TENM4: variants seen among roughly 807,000 people sequenced by gnomAD.
TENM4 encodes teneurin-4.
Under a neutral mutation model 243.3 loss-of-function variants are expected in TENM4, and 82 were observed. That is an observed-to-expected ratio of 0.34 (90% confidence interval 0.28 to 0.40). The LOEUF (loss-of-function observed/expected upper bound fraction) is 0.40, where lower values mean the gene tolerates loss of function less well. Ranked by LOEUF, TENM4 falls within the 10% of genes least tolerant of loss-of-function variation. The pLI, the probability that TENM4 is intolerant of heterozygous loss-of-function variation, is 1.00. For synonymous variants in TENM4, 1,412 were observed against 1,456.3 expected (o/e 0.97, Z 0.69); for missense variants, 3,138 against 3,673.3 (o/e 0.85, Z 3.77).
intron 6 of TENM4, among the ~76,000 whole-genome samples, chr11:78,984,860 G>C (rs1031738280): frequency 6.6e-6 from 1 of 152,028 alleles, no homozygotes; most frequent in Non-Finnish European, 1.5e-5. Flanking sequence ...AGGCATAACA[G>C]CAACATTTCA....
chr11:78,807,727 T>C (rs1857418805), intron 14 of TENM4, among the ~76,000 whole-genome samples: 1 of 152,176 alleles, frequency 6.6e-6, no homozygotes, highest in Non-Finnish European at 1.5e-5. Flanking sequence ...AGGGTGCTGA[T>C]GACACTGTGA....
chr11:78,741,640 C>T (rs1855932440), intron 19 of TENM4, among the ~76,000 whole-genome samples: 2 of 152,150 alleles, frequency 1.3e-5, no homozygotes, highest in African/African-American at 2.4e-5. Flanking sequence ...GTTTAACAAC[C>T]AGCTTGCAGA....
intron 2 of TENM4, among the ~76,000 whole-genome samples, chr11:79,216,901 C>T (rs1864061360): frequency 6.6e-6 from 1 of 152,134 alleles, no homozygotes; most frequent in South Asian, 2.1e-4. Context: ...CTGTAATATA[C>T]CACATGGGAG....
chr11:78,923,531 GTTTTTATTTTTA>G (rs775401993), intron 6 of TENM4, among the ~76,000 whole-genome samples: 3 of 151,810 alleles, frequency 2.0e-5, no homozygotes, highest in Non-Finnish European at 2.9e-5. Context: ...ATTGTTATTT[GTTTTTATTTTTA>G]TTTTTATTTT....
chr11:79,007,717 T>C (rs1206185752), intron 6 of TENM4, among the ~76,000 whole-genome samples: 1 of 152,122 alleles, frequency 6.6e-6, no homozygotes, highest in Non-Finnish European at 1.5e-5. Context: ...CCAACACCCT[T>C]CACAACCCCT....
At chr11:78,786,694 G>A (rs1856942254) in intron 16 of TENM4, among the ~76,000 whole-genome samples, 1 of 152,230 alleles carries the variant, frequency 6.6e-6, no homozygotes, top group Non-Finnish European at 1.5e-5. Context: ...AATGGAAATT[G>A]GGAGTAATAA....
chr11:79,303,234 G>C (rs1446041759), intron 1 of TENM4, among the ~76,000 whole-genome samples: 1 of 152,198 alleles, frequency 6.6e-6, no homozygotes, highest in East Asian at 1.9e-4. Context: ...AGGTCCACTA[G>C]GTCTTTGTTA....
intron 12 of TENM4, among the ~76,000 whole-genome samples, chr11:78,824,481 T>TG (rs138679314): frequency 0.029 from 4,386 of 150,502 alleles, 201 homozygotes; most frequent in African/African-American, 0.1. Flanking sequence ...CCCCCTACAT[T>TG]GGGGATTGCA....
At chr11:79,270,093 AT>A (rs1317304585) in intron 2 of TENM4, among the ~76,000 whole-genome samples, 2 of 150,970 alleles carry the variant, frequency 1.3e-5, no homozygotes, top group Non-Finnish European at 3.0e-5. Flanking sequence ...CCAGGTTCCC[AT>A]CCCCCTAGCA....
intron 1 of TENM4, among the ~76,000 whole-genome samples, chr11:79,416,777 A>G (rs1196327087): frequency 6.6e-6 from 1 of 152,132 alleles, no homozygotes; most frequent in Non-Finnish European, 1.5e-5. Flanking sequence ...CTCTGCTCCA[A>G]ATCCTGTAGG....
intron 12 of TENM4, among the ~76,000 whole-genome samples, chr11:78,823,746 T>C (rs1337558721): frequency 6.6e-6 from 1 of 152,174 alleles, no homozygotes; most frequent in Non-Finnish European, 1.5e-5. Context: ...AGGAATGTTT[T>C]AGAAACGACT....
At chr11:78,903,545 C>T (rs779842348) in intron 6 of TENM4, 22 bp from the exon 7 acceptor site, 174 of 1,543,006 alleles carry the variant, frequency 1.1e-4, no homozygotes, top group Non-Finnish European at 1.5e-4. Context: ...ACATGGCGGT[C>T]AGCGGCGGTG....
At chr11:79,213,838 G>A (rs1863997129) in intron 3 of TENM4, among the ~76,000 whole-genome samples, 2 of 152,178 alleles carry the variant, frequency 1.3e-5, no homozygotes, top group Admixed American at 1.3e-4. Context: ...TTACTATGCT[G>A]AGTGAGCATT....
intron 12 of TENM4, among the ~76,000 whole-genome samples, chr11:78,840,881 G>A (rs1479750903): frequency 2.6e-5 from 4 of 152,170 alleles, no homozygotes; most frequent in Non-Finnish European, 5.9e-5. Context: ...CTCAATGTGT[G>A]ACTGGGCAAG....
chr11:79,180,042 GC>G (rs1023515142), intron 3 of TENM4, among the ~76,000 whole-genome samples: 3 of 151,824 alleles, frequency 2.0e-5, no homozygotes, highest in Admixed American at 1.3e-4. Flanking sequence ...CTTGCAAATT[GC>G]CCTGCAGTTT....
chr11:78,738,323 G>T, intron 20 of TENM4, 128 bp downstream of exon 20: 1 of 1,269,754 alleles, frequency 7.9e-7, no homozygotes. Context: ...GCAGAGCTGG[G>T]CATTTGAATT....
intron 28 of TENM4, among the ~76,000 whole-genome samples, chr11:78,698,992 C>T (rs78069869): frequency 0.023 from 3,549 of 152,296 alleles, 72 homozygotes; most frequent in South Asian, 0.034. Flanking sequence ...CTCACCTGAC[C>T]TCTGATTCCT....
At chr11:78,675,338 T>C (rs1444925251) in intron 30 of TENM4, among the ~76,000 whole-genome samples, 2 of 152,254 alleles carry the variant, frequency 1.3e-5, no homozygotes, top group Non-Finnish European at 2.9e-5. Context: ...GCTTCTGGAA[T>C]GTTAGGAACA....
At chr11:78,837,554 C>T (rs754626066) in intron 12 of TENM4, among the ~76,000 whole-genome samples, 5 of 152,180 alleles carry the variant, frequency 3.3e-5, no homozygotes, top group Non-Finnish European at 7.3e-5. Context: ...CCTGATGAAC[C>T]TTCTCCTGAC....
Sources: gnomAD v4.1 joint callset for allele counts (sites outside exome capture counted in the v4.1 genomes callset) on GRCh38, gnomAD v4.1.1 for gene constraint, MANE v1.5 for transcripts, NCBI Gene and HGNC (gene_info 2026-07-23, HGNC 2026-07-21) for gene names.